LMX1A: variants seen among roughly 807,000 people sequenced by gnomAD.
LMX1A encodes the protein LIM homeobox transcription factor 1 alpha.
A neutral mutation model predicts 49.1 loss-of-function variants in LMX1A; 15 were observed. The ratio of observed to expected loss-of-function variants is 0.31; its 90% confidence interval spans 0.20 to 0.47. LMX1A has a LOEUF of 0.47. Ranked by LOEUF, LMX1A falls within the 20% of genes least tolerant of loss-of-function variation. LMX1A has a pLI of 1.00. For missense variants in LMX1A, 372 were observed against 475.8 expected, an observed-to-expected ratio of 0.78 and a Z score of 2.03; for synonymous variants, 167 against 185.7, an observed-to-expected ratio of 0.90 and a Z score of 0.82.
intron 3 of LMX1A, among the ~76,000 whole-genome samples, chr1:165,336,574 T>C (rs1184984789): frequency 2.0e-5 from 3 of 152,218 alleles, no homozygotes; most frequent in Non-Finnish European, 4.4e-5. Flanking sequence ...AGCCTTGCTC[T>C]ACCCCTACTC....
chr1:165,272,766 TA>T (rs1202335704), intron 3 of LMX1A, among the ~76,000 whole-genome samples: 1 of 152,106 alleles, frequency 6.6e-6, no homozygotes, highest in African/African-American at 2.4e-5. Context: ...GGGGTCTGCA[TA>T]ATGTCTATGA....
chr1:165,244,588 G>T (rs1329495381), intron 4 of LMX1A, among the ~76,000 whole-genome samples: 6 of 152,162 alleles, frequency 3.9e-5, no homozygotes, highest in African/African-American at 1.4e-4. Flanking sequence ...GGTGTCAGAA[G>T]TGTCATGTGG....
chr1:165,226,133 T>C (rs574084285), intron 4 of LMX1A, among the ~76,000 whole-genome samples: 4 of 152,304 alleles, frequency 2.6e-5, no homozygotes, highest in Non-Finnish European at 4.4e-5. Flanking sequence ...CTGGCCCTTG[T>C]TGTGCATCAT....
intron 7 of LMX1A, 127 bp from the exon 8 acceptor site, chr1:165,206,161 C>G (rs1015899073): frequency 1.2e-6 from 1 of 830,728 alleles, no homozygotes; most frequent in African/African-American, 1.8e-5. Context: ...CAGCCTTTGT[C>G]CTACCAGAGG....
intron 3 of LMX1A, among the ~76,000 whole-genome samples, chr1:165,261,370 C>T (rs1250321983): frequency 6.6e-6 from 1 of 152,138 alleles, no homozygotes; most frequent in Non-Finnish European, 1.5e-5. Flanking sequence ...ACAATGGCTA[C>T]TTTCAAAGAG....
chr1:165,342,308 G>T lies in LMX1A; in HGVS notation c.263+10768C>A, dbSNP rs535173299. 5.9e-5 allele frequency among the ~76,000 whole-genome samples: 9 copies of T among 152,314 alleles called. No individual in the cohort carries two copies. The South Asian group carries it at 1.7e-3, about 28-fold the overall frequency. On this transcript the variant is annotated intron_variant, in intron 3 of 8. Coordinates refer to ENST00000342310, the MANE Select transcript of LMX1A (RefSeq NM_177398.4). Reference sequence around the variant, plus strand: ...AGTTCAGAAGAAAACTTGGAAAGGGGTTATGCAAGGAATGGATGGACAGCT... The same window carrying T: ...AGTTCAGAAGAAAACTTGGAAAGGGTTTATGCAAGGAATGGATGGACAGCT...
chr1:165,216,564 G>T (rs1325019035), intron 4 of LMX1A, among the ~76,000 whole-genome samples: 1 of 152,164 alleles, frequency 6.6e-6, no homozygotes, highest in African/African-American at 2.4e-5. Flanking sequence ...AAAGAGAGCT[G>T]GGAGATTCCC....
Position 165,328,808 on chromosome 1 carries a change from A to G in LMX1A, c.263+24268T>C, listed in dbSNP as rs115209329. On this transcript the variant is annotated intron_variant, in intron 3 of 8. Coordinates refer to ENST00000342310, the MANE Select transcript of LMX1A (RefSeq NM_177398.4). ...TCTCAAGATCTTATCCCACGTGGAA[A>G]GAACATGGCTTCCAGAAATAATCTC... Among the ~76,000 whole-genome samples the G allele has an allele frequency of 3.3e-3, 502 of 152,348 alleles. 2 individuals carry two copies. The highest frequency in any genetic ancestry group is 0.012 in the African/African-American group (487 of 41,590).
At chr1:165,249,353 A>C in intron 4 of LMX1A, 55 bp downstream of exon 4, 1 of 1,275,826 alleles carries the variant, frequency 7.8e-7, no homozygotes, top group South Asian at 1.2e-5. Flanking sequence ...GCAGACAGCC[A>C]CCCAACTCCA....
chr1:165,353,108 G>A lies in LMX1A; in HGVS notation c.231C>T (p.Asp77=), dbSNP rs1656482310. ...AGTCATACTTGCAGTACAGCTTCTTGTCCCGGTAGAAGCAGGTGGTCTCCA... is the reference window on the plus strand; with the variant it reads ...AGTCATACTTGCAGTACAGCTTCTTATCCCGGTAGAAGCAGGTGGTCTCCA... ...EPLETTCFYR[D]KKLYCKYDYE... Residue 77 remains aspartate, a synonymous_variant, in exon 3 of 9, where the codon GAC becomes GAT. Transcript: ENST00000342310. 5 of 1,614,090 alleles carry A rather than the reference G, an allele frequency of 3.1e-6. No homozygotes were observed. The highest frequency in any genetic ancestry group is 4.2e-6 in the Non-Finnish European group (5 of 1,180,036).
intron 4 of LMX1A, among the ~76,000 whole-genome samples, chr1:165,224,947 A>G (rs1359877504): frequency 6.6e-6 from 1 of 152,220 alleles, no homozygotes; most frequent in African/African-American, 2.4e-5. Context: ...GTACCCATCC[A>G]GTTATGTTTC....
intron 6 of LMX1A, among the ~76,000 whole-genome samples, chr1:165,209,296 C>G (rs978081167): frequency 6.6e-6 from 1 of 152,274 alleles, no homozygotes; most frequent in East Asian, 1.9e-4. Context: ...TATATTTGGT[C>G]GTTGACCCTG....
chr1:165,210,544 C>A, intron 6 of LMX1A, 155 bp downstream of exon 6: 1 of 467,124 alleles, frequency 2.1e-6, no homozygotes, highest in Non-Finnish European at 3.8e-6. Context: ...GCTGCTGTGG[C>A]CAAAATAATT....
At chr1:165,338,901 C>T (rs1385772144) in intron 3 of LMX1A, among the ~76,000 whole-genome samples, 1 of 152,182 alleles carries the variant, frequency 6.6e-6, no homozygotes, top group Non-Finnish European at 1.5e-5. Flanking sequence ...GATATGACAG[C>T]CCTAGACCTA....
chr1:165,260,330 C>T (rs1418273294), intron 3 of LMX1A, among the ~76,000 whole-genome samples: 2 of 151,800 alleles, frequency 1.3e-5, no homozygotes, highest in East Asian at 1.9e-4. Context: ...ATGTATATTT[C>T]CTGGTGTGTG....
intron 3 of LMX1A, among the ~76,000 whole-genome samples, chr1:165,276,086 A>G (rs1295055311): frequency 6.6e-6 from 1 of 152,104 alleles, no homozygotes; most frequent in Non-Finnish European, 1.5e-5. Flanking sequence ...CAAGATGTAA[A>G]GAAGAAAGGA....
chr1:165,220,338 T>C (rs1651796116), intron 4 of LMX1A, among the ~76,000 whole-genome samples: 1 of 151,750 alleles, frequency 6.6e-6, no homozygotes, highest in African/African-American at 2.4e-5. Flanking sequence ...AGTTAATGAA[T>C]GAAGGAGGCT....
At chr1:165,306,361 G>A (rs945691585) in intron 3 of LMX1A, among the ~76,000 whole-genome samples, 1 of 152,180 alleles carries the variant, frequency 6.6e-6, no homozygotes, top group African/African-American at 2.4e-5. Flanking sequence ...ATGTGAGTGT[G>A]TGGTTTGGCT....
chr1:165,250,332 A>G (rs1463829520), intron 3 of LMX1A, among the ~76,000 whole-genome samples: 1 of 152,240 alleles, frequency 6.6e-6, no homozygotes, highest in African/African-American at 2.4e-5. Context: ...AGGTTGGTCT[A>G]CAGACTGGCG....
Sources: allele counts gnomAD v4.1 joint callset (sites outside exome capture counted in the v4.1 genomes callset), GRCh38; gene constraint gnomAD v4.1.1; transcripts MANE v1.5; gene names NCBI Gene and HGNC (gene_info 2026-07-23, HGNC 2026-07-21).